EPHA6: variants seen among roughly 807,000 people sequenced by gnomAD.
EPHA6 encodes the protein EPH receptor A6, also known as ephrin type-A receptor 6.
A neutral mutation model predicts 112.0 loss-of-function variants in EPHA6; 50 were observed. The ratio of observed to expected loss-of-function variants is 0.45; its 90% CI spans 0.36 to 0.56. EPHA6 has a LOEUF of 0.56. Among genes scored for constraint, EPHA6 ranks in the 20% least tolerant of loss-of-function variants. The pLI is 0.00. For synonymous variants in EPHA6, 529 were observed against 490.7 expected, an observed-to-expected ratio of 1.08 and a Z score of -1.03; for missense variants, 1,280 against 1,417.4, an observed-to-expected ratio of 0.90 and a Z score of 1.56.
intron 3 of EPHA6, among the ~76,000 whole-genome samples, chr3:97,185,970 C>A (rs910786861): frequency 4.6e-5 from 7 of 150,568 alleles, no homozygotes; most frequent in South Asian, 2.1e-4. Flanking sequence ...GGACAAAAAA[C>A]CAAACACTGC....
intron 14 of EPHA6, among the ~76,000 whole-genome samples, chr3:97,707,038 T>A (rs530859861): frequency 6.6e-6 from 1 of 152,270 alleles, no homozygotes; most frequent in South Asian, 2.1e-4. Context: ...TCTCTAGTGG[T>A]ACCCTTTTTA....
At chr3:97,628,196 G>A (rs1044107451) in intron 13 of EPHA6, among the ~76,000 whole-genome samples, 5 of 152,094 alleles carry the variant, frequency 3.3e-5, no homozygotes, top group East Asian at 1.9e-4. Context: ...AACTAGGATC[G>A]TTGCAGTAGA....
At chr3:96,830,203 C>A (rs2033971084) in intron 1 of EPHA6, among the ~76,000 whole-genome samples, 1 of 151,934 alleles carries the variant, frequency 6.6e-6, no homozygotes, top group African/African-American at 2.4e-5. Context: ...TTAGGAATAT[C>A]AATTCTAATT....
intron 3 of EPHA6, among the ~76,000 whole-genome samples, chr3:97,127,061 C>T (rs935844294): frequency 6.6e-6 from 1 of 151,904 alleles, no homozygotes; most frequent in African/African-American, 2.4e-5. Flanking sequence ...AACAGATTAA[C>T]AAGAGAAAAA....
At chr3:97,129,403 G>A (rs1292762805) in intron 3 of EPHA6, among the ~76,000 whole-genome samples, 1 of 152,040 alleles carries the variant, frequency 6.6e-6, no homozygotes, top group Non-Finnish European at 1.5e-5. Flanking sequence ...TCAGGAGGCT[G>A]AGGCAGGAGA....
At chr3:97,124,595 TTAGTA>T (rs2048134274) in intron 3 of EPHA6, among the ~76,000 whole-genome samples, 1 of 152,118 alleles carries the variant, frequency 6.6e-6, no homozygotes, top group Non-Finnish European at 1.5e-5. Context: ...TAGAGCGAGG[TTAGTA>T]AATACCTTGT....
intron 2 of EPHA6, among the ~76,000 whole-genome samples, chr3:96,936,054 A>C (rs569401775): frequency 3.9e-5 from 6 of 152,200 alleles, no homozygotes; most frequent in Non-Finnish European, 7.4e-5. Context: ...AAATTCAAGA[A>C]GGCACTGAAG....
intron 3 of EPHA6, among the ~76,000 whole-genome samples, chr3:97,068,154 C>CAAAAAAAAAAAAAAAAAAAAAAAAA (rs1396275493): frequency 1.6e-5 from 1 of 61,016 alleles, no homozygotes; most frequent in African/African-American, 1.0e-4. Flanking sequence ...GACTCCATCT[C>CAAAAAAAAAAAAAAAAAAAAAAAAA]AAAAAAAAAA....
At chr3:97,513,418 TAA>T (rs796502586) in intron 10 of EPHA6, among the ~76,000 whole-genome samples, 66 of 152,346 alleles carry the variant, frequency 4.3e-4, no homozygotes, top group African/African-American at 1.5e-3. Context: ...TGAATCAACC[TAA>T]GTGTCCACCA....
chr3:97,655,041 G>T (rs189070851), intron 14 of EPHA6, among the ~76,000 whole-genome samples: 1 of 150,370 alleles, frequency 6.7e-6, no homozygotes, highest in East Asian at 1.9e-4. Flanking sequence ...GAGTGGTGAA[G>T]ATATTTGGGA....
intron 14 of EPHA6, among the ~76,000 whole-genome samples, chr3:97,680,518 G>A (rs1381304908): frequency 6.6e-6 from 1 of 152,184 alleles, no homozygotes; most frequent in Non-Finnish European, 1.5e-5. Context: ...GTGACTAAAT[G>A]AATGAATCAC....
Position 97,754,746 on chromosome 3 carries a change from T to C in EPHA6, c.*6045T>C, listed in dbSNP as rs900291046. On this transcript the variant is annotated 3_prime_UTR_variant, in exon 18 of 18. Coordinates refer to ENST00000389672, the MANE Select transcript of EPHA6 (RefSeq NM_001080448.3). ...TGAGACGGAGTCTCGCTCTGTCGCCTAGGCTGGAGTGCAGTGGCGAGATCT... is the reference window on the plus strand; with the variant it reads ...TGAGACGGAGTCTCGCTCTGTCGCCCAGGCTGGAGTGCAGTGGCGAGATCT... Among the ~76,000 whole-genome samples the C allele has an allele frequency of 1.2e-4, 18 of 152,200 alleles. No homozygotes were observed. The highest frequency in any genetic ancestry group is 2.5e-4 in the Non-Finnish European group (17 of 67,970).
chr3:96,876,557 C>G (rs1365250555), intron 2 of EPHA6, among the ~76,000 whole-genome samples: 1 of 151,952 alleles, frequency 6.6e-6, no homozygotes, highest in Admixed American at 6.6e-5. Flanking sequence ...TGTCACTACT[C>G]TACTAAACCC....
chr3:97,600,429 G>T (rs971993905), intron 12 of EPHA6, among the ~76,000 whole-genome samples: 3 of 151,140 alleles, frequency 2.0e-5, no homozygotes, highest in African/African-American at 7.3e-5. Flanking sequence ...TTATTATTTT[G>T]AAATACGTCC....
chr3:97,138,547 G>A (rs900267049), intron 3 of EPHA6, among the ~76,000 whole-genome samples: 5 of 152,212 alleles, frequency 3.3e-5, no homozygotes, highest in Admixed American at 6.5e-5. Flanking sequence ...GCATGTTTTA[G>A]TGGTGGCCTA....
chr3:97,729,237 T>A (rs1339103363), intron 15 of EPHA6, among the ~76,000 whole-genome samples: 1 of 152,100 alleles, frequency 6.6e-6, no homozygotes, highest in Non-Finnish European at 1.5e-5. Context: ...TTGCTTTTAA[T>A]TGAGTTATAC....
intron 2 of EPHA6, among the ~76,000 whole-genome samples, chr3:96,971,744 T>C (rs963483392): frequency 7.2e-5 from 11 of 152,144 alleles, no homozygotes; most frequent in Admixed American, 7.2e-4. Flanking sequence ...CCTTAGTTTA[T>C]TTGGCTTATG....
chr3:96,983,916 G>C (rs999923470), intron 2 of EPHA6, among the ~76,000 whole-genome samples: 1 of 152,078 alleles, frequency 6.6e-6, no homozygotes, highest in Non-Finnish European at 1.5e-5. Flanking sequence ...GGTCATTCAA[G>C]GACTTCTCTG....
intron 3 of EPHA6, among the ~76,000 whole-genome samples, chr3:97,132,432 A>G (rs2075655224): frequency 6.6e-6 from 1 of 152,034 alleles, no homozygotes; most frequent in Non-Finnish European, 1.5e-5. Flanking sequence ...CATTCATTCA[A>G]CTTAGTCTTT....
Sources: allele counts gnomAD v4.1 joint callset (sites outside exome capture counted in the v4.1 genomes callset), GRCh38; gene constraint gnomAD v4.1.1; transcripts MANE v1.5; gene names NCBI Gene and HGNC (gene_info 2026-07-23, HGNC 2026-07-21).